The following GRIN2D variants were observed in gnomAD, a reference collection of about 807,000 sequenced individuals.
The protein encoded by GRIN2D is glutamate receptor ionotropic, NMDA 2D.
GRIN2D carries 37 observed loss-of-function variants against 103.2 expected under a neutral mutation model. The ratio of observed to expected loss-of-function variants is 0.36; its 90% CI spans 0.28 to 0.47. GRIN2D has a LOEUF of 0.47. Ranked by LOEUF, GRIN2D falls within the 20% of genes least tolerant of loss-of-function variation. The pLI is 1.00. For missense variants in GRIN2D, 1,557 were observed against 1,910.6 expected (o/e 0.81, Z 3.45); for synonymous variants, 845 against 885.6 (o/e 0.95, Z 0.81).
intron 4 of GRIN2D, among the ~76,000 whole-genome samples, chr19:48,407,013 C>G (rs1970801208): frequency 6.8e-6 from 1 of 146,458 alleles, no homozygotes; most frequent in Admixed American, 6.9e-5. Context: ...GAGTCTCACT[C>G]TGTCGCCCAG....
At chr19:48,402,723 C>CAAAAA (rs773669453) in intron 3 of GRIN2D, among the ~76,000 whole-genome samples, 5 of 43,124 alleles carry the variant, frequency 1.2e-4, no homozygotes, top group African/African-American at 1.6e-4. Context: ...GACTCCGTCT[C>CAAAAA]AAAAAAAAAA....
chr19:48,436,272 T>C (rs1971228911), intron 11 of GRIN2D, among the ~76,000 whole-genome samples: 1 of 151,956 alleles, frequency 6.6e-6, no homozygotes. Context: ...ATTGGTCAGG[T>C]TGGAGTTGGA....
intron 3 of GRIN2D, among the ~76,000 whole-genome samples, chr19:48,403,542 A>G (rs1450520152): frequency 6.6e-6 from 1 of 152,212 alleles, no homozygotes; most frequent in Admixed American, 6.5e-5. Flanking sequence ...CATGGGAGAC[A>G]GTATTTAAAC....
Position 48,414,865 on chromosome 19 carries a change from C to T in GRIN2D, c.1414C>T (p.Pro472Ser). ...CCCAAGCCTGGTCACTGCCCGCAGC[C>T]CTCCACCGGATGCCCCCCGCCCGGA... Reference protein sequence around the residue: ...CRSQLNRTHSPPPDAPRPEKR... With the variant: ...CRSQLNRTHSSPPDAPRPEKR... The change falls in exon 7 of 14, where the codon CCT (proline) becomes TCT (serine). Residue 472 changes from proline (P) to serine (S), a missense_variant and splice_region_variant. Around this residue, in one of 7 missense-constraint regions of GRIN2D, gnomAD observed 197 missense variants for 334.1 expected, o/e 0.59. Coordinates refer to ENST00000263269, the MANE Select transcript of GRIN2D (RefSeq NM_000836.4). This position sits in a 1 kb window ranked among gnomAD's most constrained non-coding sequence, Gnocchi z 4.6. The T allele has an allele frequency of 6.2e-7, 1 of 1,614,074 alleles. No homozygotes were observed. The highest frequency in any genetic ancestry group is 1.1e-5 in the South Asian group (1 of 91,076).
chr19:48,397,975 A>C (rs1600966981), intron 2 of GRIN2D, among the ~76,000 whole-genome samples: 6 of 135,212 alleles, frequency 4.4e-5, no homozygotes, highest in South Asian at 2.4e-4. Context: ...TCCCTGTTTC[A>C]CCTCTTCCTC....
chr19:48,430,181 C>T (rs1201706185), intron 11 of GRIN2D, among the ~76,000 whole-genome samples: 1 of 152,120 alleles, frequency 6.6e-6, no homozygotes, highest in Non-Finnish European at 1.5e-5. Context: ...ACTTTCCTCT[C>T]CTACACAATT....
chr19:48,432,246 G>A (rs899858407), intron 11 of GRIN2D, among the ~76,000 whole-genome samples: 3 of 150,016 alleles, frequency 2.0e-5, no homozygotes, highest in Non-Finnish European at 4.4e-5. Flanking sequence ...TTAGAGGCAG[G>A]TTCTCATTAT....
intron 11 of GRIN2D, among the ~76,000 whole-genome samples, chr19:48,432,490 A>G (rs1971170243): frequency 6.6e-6 from 1 of 151,564 alleles, no homozygotes; most frequent in Non-Finnish European, 1.5e-5. Flanking sequence ...TTATTTATTT[A>G]TGTTTAGAGA....
At chr19:48,419,147 G>T in intron 8 of GRIN2D, 87 bp from the exon 9 acceptor site, 1 of 1,278,076 alleles carries the variant, frequency 7.8e-7, no homozygotes, top group African/African-American at 1.5e-5. Context: ...CCAAAGTTCT[G>T]GGAGTACAGG....
At chr19:48,419,432 A>C in intron 9 of GRIN2D, 73 bp downstream of exon 9, 1 of 1,530,812 alleles carries the variant, frequency 6.5e-7, no homozygotes, top group South Asian at 1.2e-5. Flanking sequence ...ATTTCCCAGC[A>C]GCCCCTGGAG....
Position 48,414,102 on chromosome 19 carries a change from G to T in GRIN2D, c.1197G>T (p.Glu399Asp), listed in dbSNP as rs1569063942. 6.3e-7 allele frequency: 1 copy of T among 1,574,906 alleles called. No individual in the cohort carries two copies. Among genetic ancestry groups the T allele is most frequent in the Non-Finnish European group, 8.7e-7 (1 of 1,144,396 alleles). Residue 399 changes from glutamate to aspartate, a missense_variant, in exon 5 of 14, where the codon GAG becomes GAT. Glu to Asp is a conservative substitution (Grantham distance 45, BLOSUM62 2). Around this residue, in one of 7 missense-constraint regions of GRIN2D, gnomAD observed 490 missense variants for 601.1 expected, o/e 0.82. Coordinates refer to ENST00000263269, the MANE Select transcript of GRIN2D (RefSeq NM_000836.4). This position sits in a 1 kb window ranked among gnomAD's most constrained non-coding sequence, Gnocchi z 4.6. ...VISLTRDRTW[E>D]VVGSWEQQTL... ...CCCTCACCAGAGACAGGACGTGGGA[G>T]GTGGTGAGTCGTAGCCCCAGACCTC... is the stretch of plus-strand genomic sequence containing the variant.
chr19:48,438,726 G>A (rs760374199), intron 11 of GRIN2D, among the ~76,000 whole-genome samples: 2 of 152,092 alleles, frequency 1.3e-5, no homozygotes, highest in South Asian at 4.2e-4. Flanking sequence ...GAGTCACTGC[G>A]CCCGGCCAAT....
rs537847909 is a variant in GRIN2D at position 48,411,021 on chromosome 19, A to T, written c.1086-2970A>T. Among the ~76,000 whole-genome samples the T allele has an allele frequency of 9.9e-5, 15 of 152,090 alleles. No individual in the cohort carries two copies. In the South Asian group the frequency reaches 2.3e-3, roughly 23 times the overall value. On this transcript the variant is annotated intron_variant, in intron 4 of 13. Coordinates refer to ENST00000263269, the MANE Select transcript of GRIN2D (RefSeq NM_000836.4). ...TGGGCACTTCTAACCAGAGGAAGAG[A>T]CATTTGAGCTCAGTCTTTAAGACAC... is the stretch of plus-strand genomic sequence containing the variant.
At chr19:48,433,393 A>C (rs1971184156) in intron 11 of GRIN2D, among the ~76,000 whole-genome samples, 1 of 152,082 alleles carries the variant, frequency 6.6e-6, no homozygotes, top group Admixed American at 6.6e-5. Context: ...ATAAAGAATA[A>C]ATAAATAAAA....
At chr19:48,438,673 A>G (rs1051770040) in intron 11 of GRIN2D, among the ~76,000 whole-genome samples, 5 of 152,016 alleles carry the variant, frequency 3.3e-5, no homozygotes, top group Non-Finnish European at 5.9e-5. Flanking sequence ...ACCTCATGTG[A>G]TCCGCCCGCC....
intron 11 of GRIN2D, among the ~76,000 whole-genome samples, chr19:48,437,180 G>A (rs1971242589): frequency 6.6e-6 from 1 of 152,090 alleles, no homozygotes; most frequent in African/African-American, 2.4e-5. Context: ...GGAGTACATG[G>A]CACAATCATA....
rs1440240025 is a variant in GRIN2D, at chr19:48,394,629, C to T, written c.-305-29C>T. Among the ~76,000 whole-genome samples the T allele has an allele frequency of 6.6e-6, 1 of 152,128 alleles. No homozygotes were observed. The highest frequency in any genetic ancestry group is 2.4e-5 in the African/African-American group (1 of 41,424). On this transcript the variant is annotated intron_variant, in intron 1 of 13. Transcript: ENST00000263269. This position sits in a 1 kb window ranked among gnomAD's most constrained non-coding sequence, Gnocchi z 5.1. ...GGCGGCAAGAGGACACCCCGACAGC[C>T]TCTGCAATGTCCGGGGCCCAACTTC...
At position 48,442,912 on chromosome 19, in the gene GRIN2D, G is replaced by A; in HGVS notation, c.2986G>A (p.Ala996Thr). 1 of 1,107,262 alleles carries A rather than the reference G, an allele frequency of 9.0e-7. No homozygotes were observed. The highest frequency in any genetic ancestry group is 5.0e-5 in the Admixed American group (1 of 20,082). 68.6% of individuals were successfully genotyped at this position (1,107,262 alleles called of 1,614,324 possible). A position where few individuals can be genotyped will look rare whatever the true frequency, so the allele number is the denominator to read the frequency against. Residue 996 changes from alanine to threonine, a missense_variant, in exon 14 of 14, where the codon GCC becomes ACC. Transcript: ENST00000263269. The surrounding 1 kb of genome is among the most constrained non-coding windows in gnomAD (Gnocchi z 7.2). ...GAAGRPLSPP[A>T]AQPPQKPPPS... ...AGCCGGGCGCCCGCTGTCCCCGCCG[G>A]CCGCTCAGCCCCCGCAGAAGCCGCC...
At chr19:48,436,036 C>G (rs1403824750) in intron 11 of GRIN2D, among the ~76,000 whole-genome samples, 1 of 152,166 alleles carries the variant, frequency 6.6e-6, no homozygotes, top group Non-Finnish European at 1.5e-5. Flanking sequence ...GAGCAAACAC[C>G]TGACGGAGGT....
Sources: allele counts gnomAD v4.1 joint callset (sites outside exome capture counted in the v4.1 genomes callset), GRCh38; gene constraint gnomAD v4.1.1; regional missense constraint gnomAD v4.1.1; non-coding constraint Gnocchi (gnomAD v3.1); transcripts MANE v1.5; gene names NCBI Gene and HGNC (gene_info 2026-07-23, HGNC 2026-07-21).